The following PCDH1 variants were observed in gnomAD, a reference collection of about 807,000 sequenced individuals.
PCDH1 encodes protocadherin-1.
In PCDH1, 23 loss-of-function variants were observed where a neutral mutation model predicts 74.6. That is an observed-to-expected ratio of 0.31 (90% CI 0.22 to 0.44). PCDH1 has a LOEUF of 0.44. Ranked by LOEUF, PCDH1 falls within the 20% of genes least tolerant of loss-of-function variation. The pLI, the probability that PCDH1 is intolerant of heterozygous loss-of-function variation, is 1.00. For synonymous variants in PCDH1, 647 were observed against 686.1 expected (o/e 0.94, Z 0.89); for missense variants, 1,214 against 1,641.4 (o/e 0.74, Z 4.50).
intron 3 of PCDH1, among the ~76,000 whole-genome samples, chr5:141,861,155 C>T (rs1238166054): frequency 2.0e-5 from 3 of 147,320 alleles, no homozygotes; most frequent in Admixed American, 6.8e-5. Context: ...TGAGCAGTAG[C>T]AGTAGAAGTA....
In PCDH1 at chr5:141,878,383, G is replaced by T; in HGVS notation, c.-121C>A. 5.7e-6 allele frequency: 4 copies of T among 705,096 alleles called. No homozygotes were observed. The highest frequency in any genetic ancestry group is 7.5e-6 in the Non-Finnish European group (4 of 535,184). 43.7% of individuals were successfully genotyped at this position (705,096 alleles called of 1,614,324 possible). ...GCAGCAGCCCGGCGGCTTTGCGTCC[G>T]CGCCGCGCTCCCGCTCCCCGAGTGT... On this transcript the variant is annotated 5_prime_UTR_variant, in exon 1 of 5. Transcript: ENST00000287008. The surrounding 1 kb of genome is among the most constrained non-coding windows in gnomAD (Gnocchi z 5.5).
In PCDH1 at chr5:141,868,790, TCTC is replaced by T; in HGVS notation, c.679_681del (p.Glu227del). 1 of 1,614,156 alleles carries T rather than the reference TCTC, an allele frequency of 6.2e-7. No individual in the cohort carries two copies. The highest frequency in any genetic ancestry group is 2.2e-5 in the East Asian group (1 of 44,868). ...CCCATCACAATGAGCTGTGGTTGCT[TCTC>T]CTCCTGGTCCTCTGCCACCTGCAGC... On this transcript the variant is annotated inframe_deletion, in exon 2 of 5. Transcript: ENST00000287008. The surrounding 1 kb of genome is among the most constrained non-coding windows in gnomAD (Gnocchi z 4.8).
intron 2 of PCDH1, chr5:141,866,235 G>T (rs1388077815): frequency 1.0e-6 from 1 of 985,408 alleles, no homozygotes; most frequent in African/African-American, 1.7e-5. Context: ...CGGCTGGCGA[G>T]GCACCAATGC....
At chr5:141,855,010 C>T (rs1402643690) in intron 4 of PCDH1, among the ~76,000 whole-genome samples, 1 of 151,722 alleles carries the variant, frequency 6.6e-6, no homozygotes, top group Non-Finnish European at 1.5e-5. Context: ...TCACTCCTGT[C>T]ACCCAGGCTG....
Position 141,856,251 on chromosome 5 carries a change from G to T in PCDH1, c.3319+1001C>A, listed in dbSNP as rs766652863. On this transcript the variant is annotated intron_variant, in intron 4 of 4. Coordinates refer to ENST00000287008, the MANE Select transcript of PCDH1 (RefSeq NM_032420.5). ...GGCACTCTGCCTCAGGGCCTGCTCCGGCCAGCCGGCTCTGCGCGGGCACAA... is the reference window on the plus strand; with the variant it reads ...GGCACTCTGCCTCAGGGCCTGCTCCTGCCAGCCGGCTCTGCGCGGGCACAA... The T allele has an allele frequency of 1.4e-4, 213 of 1,535,526 alleles. 2 individuals carry two copies. The Middle Eastern group carries it at 3.0e-3, about 22-fold the overall frequency.
intron 1 of PCDH1, among the ~76,000 whole-genome samples, chr5:141,870,334 C>T (rs1043253359): frequency 1.3e-5 from 2 of 152,206 alleles, no homozygotes; most frequent in African/African-American, 2.4e-5. Context: ...GGGCTCCTCT[C>T]CTCTCCCTCC....
At position 141,854,413 on chromosome 5, in the gene PCDH1, C is replaced by T. The variant is rs755691433; in HGVS notation, c.3343G>A (p.Ala1115Thr). The T allele has an allele frequency of 2.7e-5, 44 of 1,610,764 alleles. No homozygotes were observed. Among genetic ancestry groups the T allele is most frequent in the Middle Eastern group, 1.6e-4 (1 of 6,070 alleles). ...ENDLRPLPDV[A>T]MTGTCTRECS... The stretch of plus-strand genomic sequence containing the variant: ...TCCCGGGTACATGTGCCTGTCATGG[C>T]GACATCAGGCAAAGGGCGAAGGTCT... Residue 1115 changes from alanine to threonine, a missense_variant, in exon 5 of 5, where the codon GCC becomes ACC. Around this residue, in one of 4 missense-constraint regions of PCDH1, gnomAD observed 194 missense variants for 198.3 expected, o/e 0.98. Coordinates refer to ENST00000287008, the MANE Select transcript of PCDH1 (RefSeq NM_032420.5).
At position 141,865,120 on chromosome 5, in the gene PCDH1, A is replaced by G. The variant is rs768567800; in HGVS notation, c.1211T>C (p.Ile404Thr). 1 of 1,614,034 alleles carries G rather than the reference A, an allele frequency of 6.2e-7. No individual in the cohort carries two copies. The highest frequency in any genetic ancestry group is 1.1e-5 in the South Asian group (1 of 91,060). ...TGTCTCCTCTGCCACATCCTCTGAG[A>G]TGTTAGCCATCCCATCTTGATGAGT... ...LVTHQDGMANISEDVAEETAV... is the reference protein window; with the variant it reads ...LVTHQDGMANTSEDVAEETAV... The change falls in exon 3 of 5, where the codon ATC becomes ACC. Residue 404 changes from isoleucine to threonine, a missense_variant. Transcript: ENST00000287008. This position sits in a 1 kb window ranked among gnomAD's most constrained non-coding sequence, Gnocchi z 4.4.
Position 141,864,364 on chromosome 5 carries a change from C to G in PCDH1, c.1967G>C (p.Gly656Ala). ...QVQLSVEQDN[G>A]DFVIQNGTGT... ...TGTGCCATTCTGGATAACAAAGTCA[C>G]CGTTGTCCTGCTCCACTGAGAGCTG... Residue 656 changes from glycine (G) to alanine (A), a missense_variant, in exon 3 of 5, where the codon GGT becomes GCT. By Grantham distance (60) the Gly-to-Ala change is moderately conservative (BLOSUM62 0). This residue lies in a region of PCDH1 where 836 missense variants were observed against 1,182.2 expected (regional missense o/e 0.71). Coordinates refer to ENST00000287008, the MANE Select transcript of PCDH1 (RefSeq NM_032420.5). The surrounding 1 kb of genome is among the most constrained non-coding windows in gnomAD (Gnocchi z 5.9). 4 of 1,614,082 alleles carry G rather than the reference C, an allele frequency of 2.5e-6. No individual in the cohort carries two copies. The highest frequency in any genetic ancestry group is 3.4e-6 in the Non-Finnish European group (4 of 1,179,968).
Position 141,865,928 on chromosome 5 carries a change from T to C in PCDH1, c.904-501A>G, listed in dbSNP as rs1302216308. The C allele has an allele frequency of 1.9e-6, 1 of 526,378 alleles. No homozygotes were observed. The highest frequency in any genetic ancestry group is 2.0e-5 in the African/African-American group (1 of 48,886). 32.6% of individuals were successfully genotyped at this position (526,378 alleles called of 1,614,324 possible). ...TGTATGATTGTGTCAGAATGTGTGA[T>C]TAAATGTGATATGTTTGTGTGAGAA... is the stretch of plus-strand genomic sequence containing the variant. On this transcript the variant is annotated intron_variant, in intron 2 of 4. Transcript: ENST00000287008. The surrounding 1 kb of genome is among the most constrained non-coding windows in gnomAD (Gnocchi z 4.4).
At position 141,854,024 on chromosome 5, in the gene PCDH1, G is replaced by A. The variant is rs935202195; in HGVS notation, c.*18C>T. ...GGCCGGCGGCTGGGGGAGGGGGGCC[G>A]GCCGGCCAGTAGGGGGCTCACAGGT... On this transcript the variant is annotated 3_prime_UTR_variant, in exon 5 of 5. Transcript: ENST00000287008. 1.1e-5 allele frequency: 16 copies of A among 1,473,548 alleles called. No homozygotes were observed. The highest frequency in any genetic ancestry group is 2.5e-4 in the Middle Eastern group (1 of 3,954). The allele number at this position is 1,473,548 out of a possible 1,614,324, so 91.3% of individuals were successfully genotyped here. A position where few individuals can be genotyped will look rare whatever the true frequency, so the allele number is the denominator to read the frequency against.
Position 141,865,503 on chromosome 5 carries a change from C to T in PCDH1, c.904-76G>A. The stretch of plus-strand genomic sequence containing the variant: ...GATAGCAAATAAAGGGGCACACATG[C>T]TGCCAATGTCCTTTCCAACAAGCAT... On this transcript the variant is annotated intron_variant, in intron 2 of 4. Coordinates refer to ENST00000287008, the MANE Select transcript of PCDH1 (RefSeq NM_032420.5). The surrounding 1 kb of genome is among the most constrained non-coding windows in gnomAD (Gnocchi z 4.4). The T allele has an allele frequency of 6.8e-7, 1 of 1,475,450 alleles. No individual in the cohort carries two copies. The highest frequency in any genetic ancestry group is 9.2e-7 in the Non-Finnish European group (1 of 1,087,414). The allele number at this position is 1,475,450 out of a possible 1,614,324, so 91.4% of individuals were successfully genotyped here. A position where few individuals can be genotyped will look rare whatever the true frequency, so the allele number is the denominator to read the frequency against.
Position 141,865,544 on chromosome 5 carries a change from T to TC in PCDH1, c.904-118dup. The TC allele has an allele frequency of 8.7e-7, 1 of 1,153,150 alleles. No individual in the cohort carries two copies. The highest frequency in any genetic ancestry group is 1.2e-6 in the Non-Finnish European group (1 of 808,900). 71.4% of individuals were successfully genotyped at this position (1,153,150 alleles called of 1,614,324 possible). A position where few individuals can be genotyped will look rare whatever the true frequency, so the allele number is the denominator to read the frequency against. On this transcript the variant is annotated intron_variant, in intron 2 of 4. Coordinates refer to ENST00000287008, the MANE Select transcript of PCDH1 (RefSeq NM_032420.5). The surrounding 1 kb of genome is among the most constrained non-coding windows in gnomAD (Gnocchi z 4.4). ...CAACAAGCATGGCAGACACAGCCAA[T>TC]CCAACATCGCTCCCTTTCCAGAAGC...
intron 2 of PCDH1, chr5:141,867,557 G>A (rs192018218): frequency 7.5e-5 from 34 of 454,730 alleles, no homozygotes; most frequent in South Asian, 9.3e-5. Context: ...TGCTATCCCC[G>A]ACTGTCTGTC....
At chr5:141,861,115 C>CAAAA (rs59007688) in intron 3 of PCDH1, among the ~76,000 whole-genome samples, 894 of 61,732 alleles carry the variant, frequency 0.014, 33 homozygotes, top group Non-Finnish European at 0.02. Context: ...AACTCCATCT[C>CAAAA]AAAAAAAAAA....
At position 141,856,172 on chromosome 5, in the gene PCDH1, G is replaced by T; in HGVS notation, c.3319+1080C>A. ...CATGGGCACTGGGTGGGTGAGGCTG[G>T]GTGCTGGGCAGAGTCCCACAGACCC... On this transcript the variant is annotated intron_variant, in intron 4 of 4. Coordinates refer to ENST00000287008, the MANE Select transcript of PCDH1 (RefSeq NM_032420.5). 3.3e-6 allele frequency: 5 copies of T among 1,512,940 alleles called. 1 individual carries two copies. Among genetic ancestry groups the T allele is most frequent in the Non-Finnish European group, 3.6e-6 (4 of 1,126,182 alleles). 93.7% of individuals were successfully genotyped at this position (1,512,940 alleles called of 1,614,324 possible). A position where few individuals can be genotyped will look rare whatever the true frequency, so the allele number is the denominator to read the frequency against.
At position 141,864,921 on chromosome 5, in the gene PCDH1, T is replaced by C; in HGVS notation, c.1410A>G (p.Lys470=). The change falls in exon 3 of 5, where the codon AAA becomes AAG. Residue 470 remains lysine, a synonymous_variant. Coordinates refer to ENST00000287008, the MANE Select transcript of PCDH1 (RefSeq NM_032420.5). This position sits in a 1 kb window ranked among gnomAD's most constrained non-coding sequence, Gnocchi z 5.9. ...TTTPLDYEKV[K]DYTIEIVAVD... The stretch of plus-strand genomic sequence containing the variant: ...CAGCCACAATCTCAATGGTGTAGTC[T>C]TTGACCTTCTCGTAGTCTAGCGGGG... The C allele has an allele frequency of 6.2e-7, 1 of 1,614,172 alleles. No homozygotes were observed. The highest frequency in any genetic ancestry group is 8.5e-7 in the Non-Finnish European group (1 of 1,180,034).
Position 141,869,810 on chromosome 5 carries a change from T to C in PCDH1, c.41-379A>G. On this transcript the variant is annotated intron_variant, in intron 1 of 4. Coordinates refer to ENST00000287008, the MANE Select transcript of PCDH1 (RefSeq NM_032420.5). This position sits in a 1 kb window ranked among gnomAD's most constrained non-coding sequence, Gnocchi z 4.9. ...CAACACCTCCTTCTCACGAGCATCCTGCCTTAGTCACCGATGGTAATTACC... is the reference window on the plus strand; with the variant it reads ...CAACACCTCCTTCTCACGAGCATCCCGCCTTAGTCACCGATGGTAATTACC... 5 of 985,362 alleles carry C rather than the reference T, an allele frequency of 5.1e-6. No homozygotes were observed. The highest frequency in any genetic ancestry group is 4.8e-6 in the Non-Finnish European group (4 of 829,866). The allele number at this position is 985,362 out of a possible 1,614,324, so 61.0% of individuals were successfully genotyped here. A position where few individuals can be genotyped will look rare whatever the true frequency, so the allele number is the denominator to read the frequency against.
At chr5:141,861,488 A>T (rs1752563523) in intron 3 of PCDH1, among the ~76,000 whole-genome samples, 1 of 152,202 alleles carries the variant, frequency 6.6e-6, no homozygotes, top group Admixed American at 6.5e-5. Flanking sequence ...CTAAAGGAAT[A>T]GGAGAAAGAC....
Sources: gnomAD v4.1 joint callset for allele counts (sites outside exome capture counted in the v4.1 genomes callset) on GRCh38, gnomAD v4.1.1 for gene constraint, gnomAD v4.1.1 regional missense constraint, Gnocchi (gnomAD v3.1) non-coding constraint, MANE v1.5 for transcripts, NCBI Gene and HGNC (gene_info 2026-07-23, HGNC 2026-07-21) for gene names.